FAF2: variants seen among roughly 807,000 people sequenced by gnomAD.
FAF2 encodes FAS-associated factor 2.
A neutral mutation model predicts 62.3 loss-of-function variants in FAF2; 9 were observed. The observed-to-expected ratio is 0.14, with a 90% CI of 0.09 to 0.25. The LOEUF (loss-of-function observed/expected upper bound fraction) is 0.25, where lower values mean the gene tolerates loss of function less well. Among genes scored for constraint, FAF2 ranks in the 10% least tolerant of loss-of-function variants. FAF2 has a pLI of 1.00. For missense variants in FAF2, 368 were observed against 556.2 expected, an observed-to-expected ratio of 0.66 and a Z score of 3.40; for synonymous variants, 202 against 198.0, an observed-to-expected ratio of 1.02 and a Z score of -0.17.
intron 2 of FAF2, among the ~76,000 whole-genome samples, chr5:176,480,109 T>C (rs1025653941): frequency 6.6e-6 from 1 of 152,228 alleles, no homozygotes; most frequent in African/African-American, 2.4e-5. Flanking sequence ...AACTGCTGTA[T>C]TCCCAGCATA....
chr5:176,477,035 C>T (rs1758709140), intron 1 of FAF2, among the ~76,000 whole-genome samples: 1 of 151,494 alleles, frequency 6.6e-6, no homozygotes, highest in African/African-American at 2.4e-5. Context: ...GTCTCGATCT[C>T]CTGACTTCGT....
chr5:176,507,033 AAAC>A lies in FAF2; in HGVS notation c.*86_*88del, dbSNP rs1388942282. 1.6e-5 allele frequency: 15 copies of A among 957,960 alleles called. No homozygotes were observed. Among genetic ancestry groups the A allele is most frequent in the South Asian group, 1.5e-4 (4 of 25,886 alleles). The allele number at this position is 957,960 out of a possible 1,614,324, so 59.3% of individuals were successfully genotyped here. On this transcript the variant is annotated 3_prime_UTR_variant, in exon 11 of 11. Coordinates refer to ENST00000261942, the MANE Select transcript of FAF2 (RefSeq NM_014613.3). ...AAAACAACAGCAAGTCAGAAAAAAA[AAAC>A]AAGAGAGAGAAATTCATATTATTAT...
chr5:176,474,283 C>T (rs549387529), intron 1 of FAF2, among the ~76,000 whole-genome samples: 1 of 152,318 alleles, frequency 6.6e-6, no homozygotes, highest in Admixed American at 6.5e-5. Context: ...TCATCATTCA[C>T]CATCTTTTTA....
intron 2 of FAF2, among the ~76,000 whole-genome samples, chr5:176,483,826 C>T (rs957469560): frequency 1.3e-5 from 2 of 152,158 alleles, no homozygotes; most frequent in African/African-American, 4.8e-5. Context: ...CCTGTAATCC[C>T]AGCCCTTTCG....
chr5:176,499,957 T>C, intron 9 of FAF2, 46 bp from the exon 10 acceptor site: 1 of 1,604,910 alleles, frequency 6.2e-7, no homozygotes, highest in Non-Finnish European at 8.5e-7. Context: ...GGTCATTGTA[T>C]TTATTTCTTG....
chr5:176,467,330 G>GTT (rs200470051), intron 1 of FAF2, among the ~76,000 whole-genome samples: 1 of 150,672 alleles, frequency 6.6e-6, no homozygotes, highest in East Asian at 1.9e-4. Context: ...ACTTTTTTTG[G>GTT]TTTTTTTTGG....
At chr5:176,456,461 G>C (rs1312719845) in intron 1 of FAF2, among the ~76,000 whole-genome samples, 2 of 152,158 alleles carry the variant, frequency 1.3e-5, no homozygotes, top group Non-Finnish European at 2.9e-5. Flanking sequence ...AAGATATACA[G>C]ATGGCATGTA....
At chr5:176,465,939 C>G (rs1758460115) in intron 1 of FAF2, among the ~76,000 whole-genome samples, 1 of 152,174 alleles carries the variant, frequency 6.6e-6, no homozygotes, top group Non-Finnish European at 1.5e-5. Context: ...AGTAATTAAT[C>G]TAGATTTCAG....
At chr5:176,504,900 G>A (rs1755650308) in intron 10 of FAF2, among the ~76,000 whole-genome samples, 1 of 151,982 alleles carries the variant, frequency 6.6e-6, no homozygotes, top group Admixed American at 6.6e-5. Flanking sequence ...TTGGACATGT[G>A]TTATCCCACT....
intron 1 of FAF2, among the ~76,000 whole-genome samples, chr5:176,459,179 G>T (rs1210010419): frequency 6.8e-6 from 1 of 146,484 alleles, no homozygotes; most frequent in Non-Finnish European, 1.5e-5. Flanking sequence ...CTTTCTCTTT[G>T]TTAAAGCAAT....
rs939662951 is a variant in FAF2 at position 176,479,191 on chromosome 5, C to T, written c.67C>T (p.Leu23Phe). The change falls in exon 2 of 11, where the codon CTC becomes TTC. Residue 23 changes from leucine (L) to phenylalanine (F), a missense_variant. Physicochemically the swap from Leu to Phe is conservative, Grantham distance 22 (BLOSUM62 0). Coordinates refer to ENST00000261942, the MANE Select transcript of FAF2 (RefSeq NM_014613.3). ...QTEKLLQFQD[L>F]TGIESMDQCR... Reference sequence around the variant, plus strand: ...TTGTTTTCATCCTTCTTTTCAGGATCTCACTGGCATCGAATCTATGGATCA... The same window carrying T: ...TTGTTTTCATCCTTCTTTTCAGGATTTCACTGGCATCGAATCTATGGATCA... The T allele has an allele frequency of 6.2e-7, 1 of 1,613,794 alleles. No individual in the cohort carries two copies. Among genetic ancestry groups the T allele is most frequent in the African/African-American group, 1.3e-5 (1 of 75,024 alleles).
chr5:176,478,729 C>T (rs1296032381), intron 1 of FAF2, among the ~76,000 whole-genome samples: 1 of 152,168 alleles, frequency 6.6e-6, no homozygotes, highest in Non-Finnish European at 1.5e-5. Flanking sequence ...ATGAGCATCT[C>T]AAATCTGAAA....
intron 10 of FAF2, among the ~76,000 whole-genome samples, chr5:176,505,579 C>G (rs1310776363): frequency 2.0e-5 from 3 of 152,274 alleles, no homozygotes. Flanking sequence ...GCAGTATACA[C>G]TATACCCTAT....
intron 1 of FAF2, among the ~76,000 whole-genome samples, chr5:176,471,830 C>G (rs1023969103): frequency 6.6e-6 from 1 of 151,376 alleles, no homozygotes; most frequent in Non-Finnish European, 1.5e-5. Flanking sequence ...GCTGGGATTA[C>G]AGGCACCCGC....
intron 5 of FAF2, among the ~76,000 whole-genome samples, chr5:176,492,659 C>T (rs1758993564): frequency 6.6e-6 from 1 of 152,158 alleles, no homozygotes; most frequent in Admixed American, 6.5e-5. Context: ...GCCTTCCTCA[C>T]ATTTTTGCTA....
chr5:176,474,907 T>C (rs1758660492), intron 1 of FAF2, among the ~76,000 whole-genome samples: 1 of 152,200 alleles, frequency 6.6e-6, no homozygotes, highest in Admixed American at 6.5e-5. Flanking sequence ...TATGTTGATA[T>C]ATGAATGAAT....
intron 1 of FAF2, among the ~76,000 whole-genome samples, chr5:176,450,800 TC>T (rs751429550): frequency 1.3e-5 from 2 of 152,016 alleles, no homozygotes; most frequent in Non-Finnish European, 2.9e-5. Context: ...TGATCCGCCC[TC>T]CTCGGCTGGG....
In FAF2 at chr5:176,507,874, C is replaced by T. The variant is rs2113752066; in HGVS notation, c.*924C>T. 1 of 152,826 alleles carries T rather than the reference C, an allele frequency of 6.5e-6. No homozygotes were observed. The highest frequency in any genetic ancestry group is 3.4e-3 in the Middle Eastern group (1 of 294). The allele number at this position is 152,826 out of a possible 1,614,324, so 9.5% of individuals were successfully genotyped here. A position where few individuals can be genotyped will look rare whatever the true frequency, so the allele number is the denominator to read the frequency against. On this transcript the variant is annotated 3_prime_UTR_variant, in exon 11 of 11. Transcript: ENST00000261942. ...CCAGGTGGTGGTTATGGGGTCTGAACCAAAGGATAGCAGCTCTTCATTCCT... is the reference window on the plus strand; with the variant it reads ...CCAGGTGGTGGTTATGGGGTCTGAATCAAAGGATAGCAGCTCTTCATTCCT...
chr5:176,460,602 G>C (rs2113719094), intron 1 of FAF2, among the ~76,000 whole-genome samples: 1 of 150,784 alleles, frequency 6.6e-6, no homozygotes, highest in East Asian at 2.0e-4. Context: ...CTAGAGTGTA[G>C]TGGCATGATC....
Sources: gnomAD v4.1 joint callset for allele counts (sites outside exome capture counted in the v4.1 genomes callset) on GRCh38, gnomAD v4.1.1 for gene constraint, MANE v1.5 for transcripts, NCBI Gene and HGNC (gene_info 2026-07-23, HGNC 2026-07-21) for gene names.